The following DAB1 variants were observed in gnomAD, a reference collection of about 807,000 sequenced individuals.
The protein encoded by DAB1 is disabled homolog 1.
A neutral mutation model predicts 64.6 loss-of-function variants in DAB1; 15 were observed. That is an observed-to-expected ratio of 0.23 (90% CI 0.16 to 0.36). The LOEUF is 0.36. DAB1 is among the 10% of genes least tolerant of loss of function. The probability of loss-of-function intolerance (pLI) is 1.00; values close to 1 mark genes in which losing one functional copy is unlikely to be tolerated. For missense variants in DAB1, 596 were observed against 706.7 expected (o/e 0.84, Z 1.78); for synonymous variants, 235 against 251.9 (o/e 0.93, Z 0.64).
chr1:57,163,231 G>T (rs909600536), intron 2 of DAB1, among the ~76,000 whole-genome samples: 2 of 152,198 alleles, frequency 1.3e-5, no homozygotes, highest in African/African-American at 4.8e-5. Context: ...ATAGGGATAA[G>T]TGTTATGAAG....
chr1:58,385,779 G>A (rs1644427550), intron 3 of DAB1, among the ~76,000 whole-genome samples: 1 of 152,204 alleles, frequency 6.6e-6, no homozygotes. Context: ...TCTCAGTCCT[G>A]AACCAATTGA....
intron 7 of DAB1, among the ~76,000 whole-genome samples, chr1:57,550,338 T>C (rs1264891293): frequency 1.3e-5 from 2 of 152,138 alleles, no homozygotes; most frequent in Non-Finnish European, 1.5e-5. Context: ...TGGAGTGCTA[T>C]AAACAGGACT....
chr1:57,274,293 A>G (rs756964322), intron 2 of DAB1, among the ~76,000 whole-genome samples: 2 of 152,212 alleles, frequency 1.3e-5, no homozygotes, highest in Non-Finnish European at 2.9e-5. Flanking sequence ...CTTACTGAAA[A>G]TAAGATAGAG....
intron 4 of DAB1, among the ~76,000 whole-genome samples, chr1:58,340,897 A>G (rs1569661087): frequency 6.6e-6 from 1 of 152,048 alleles, no homozygotes; most frequent in East Asian, 2.0e-4. Context: ...AGGAGGTGCT[A>G]GAAAAGGATA....
At chr1:57,519,942 T>G (rs1644506516) in intron 7 of DAB1, among the ~76,000 whole-genome samples, 1 of 152,202 alleles carries the variant, frequency 6.6e-6, no homozygotes, top group Non-Finnish European at 1.5e-5. Context: ...ATACCTATCA[T>G]CCAGTTTTAA....
intron 3 of DAB1, among the ~76,000 whole-genome samples, chr1:58,347,159 G>A (rs909231143): frequency 6.6e-6 from 1 of 152,200 alleles, no homozygotes; most frequent in African/African-American, 2.4e-5. Context: ...CCAGACTGGA[G>A]TGCAATGACA....
intron 2 of DAB1, among the ~76,000 whole-genome samples, chr1:57,233,802 G>A (rs1022253241): frequency 7.2e-5 from 11 of 151,942 alleles, no homozygotes; most frequent in African/African-American, 2.7e-4. Context: ...CCAGGTGAGT[G>A]GTACGGCTTC....
At chr1:58,141,977 A>G (rs1163689904) in intron 5 of DAB1, among the ~76,000 whole-genome samples, 8 of 152,196 alleles carry the variant, frequency 5.3e-5, no homozygotes, top group Non-Finnish European at 1.2e-4. Flanking sequence ...TTCTCAAAAC[A>G]CAGCAGGCCC....
chr1:57,688,287 C>T (rs1207811115), intron 6 of DAB1, among the ~76,000 whole-genome samples: 2 of 152,064 alleles, frequency 1.3e-5, no homozygotes, highest in South Asian at 2.1e-4. Flanking sequence ...AGAAGACATG[C>T]AAGCAGCCAA....
At chr1:58,039,038 C>T (rs185193605) in intron 5 of DAB1, among the ~76,000 whole-genome samples, 4 of 152,198 alleles carry the variant, frequency 2.6e-5, no homozygotes, top group South Asian at 2.1e-4. Flanking sequence ...CACTAAGCCC[C>T]GACTCTGTTA....
At chr1:57,325,526 T>C (rs1422483026) in intron 1 of DAB1, among the ~76,000 whole-genome samples, 1 of 152,208 alleles carries the variant, frequency 6.6e-6, no homozygotes, top group Non-Finnish European at 1.5e-5. Context: ...ACAGAGCAGG[T>C]GCTATTATTA....
chr1:58,267,937 G>A (rs1219315803), intron 4 of DAB1, among the ~76,000 whole-genome samples: 2 of 152,128 alleles, frequency 1.3e-5, no homozygotes, highest in East Asian at 1.9e-4. Flanking sequence ...GCTTGTATGA[G>A]AGTTGTTTAT....
At chr1:58,377,762 T>A (rs1644343404) in intron 3 of DAB1, among the ~76,000 whole-genome samples, 1 of 138,420 alleles carries the variant, frequency 7.2e-6, no homozygotes, top group Non-Finnish European at 1.6e-5. Context: ...CTGGATAATA[T>A]CCTGCAGAGT....
chr1:57,692,827 T>C (rs1437304951), intron 6 of DAB1, among the ~76,000 whole-genome samples: 1 of 152,118 alleles, frequency 6.6e-6, no homozygotes, highest in Non-Finnish European at 1.5e-5. Context: ...GGAAGAGTGT[T>C]GTTTTTACAC....
At chr1:58,432,695 A>G (rs1349169599) in intron 3 of DAB1, among the ~76,000 whole-genome samples, 1 of 152,150 alleles carries the variant, frequency 6.6e-6, no homozygotes, top group Non-Finnish European at 1.5e-5. Context: ...CTCTCTCCCA[A>G]TCAGAGTCTG....
intron 4 of DAB1, among the ~76,000 whole-genome samples, chr1:57,087,255 A>T (rs1263439067): frequency 6.6e-6 from 1 of 152,220 alleles, no homozygotes; most frequent in Non-Finnish European, 1.5e-5. Context: ...AGCCAGGTGC[A>T]TGGGCAACTG....
intron 3 of DAB1, among the ~76,000 whole-genome samples, chr1:58,373,043 G>C (rs928696850): frequency 6.6e-6 from 1 of 152,028 alleles, no homozygotes; most frequent in Non-Finnish European, 1.5e-5. Flanking sequence ...TTAATTCTCT[G>C]TGGAAGGAAC....
intron 5 of DAB1, chr1:58,047,887 T>A (rs1647347969): frequency 2.9e-6 from 1 of 347,760 alleles, no homozygotes; most frequent in Non-Finnish European, 5.4e-6. Flanking sequence ...CTATTACATT[T>A]AGCAATCAAC....
At chr1:57,383,822 G>T (rs1681572904) in intron 1 of DAB1, among the ~76,000 whole-genome samples, 1 of 152,008 alleles carries the variant, frequency 6.6e-6, no homozygotes, top group Non-Finnish European at 1.5e-5. Context: ...AAACACAAAG[G>T]AAAAGTTTCA....
Sources: gnomAD v4.1 joint callset for allele counts (sites outside exome capture counted in the v4.1 genomes callset) on GRCh38, gnomAD v4.1.1 for gene constraint, MANE v1.5 for transcripts, NCBI Gene and HGNC (gene_info 2026-07-23, HGNC 2026-07-21) for gene names.